MAML3: variants seen among roughly 807,000 people sequenced by gnomAD.
The protein encoded by MAML3 is mastermind like transcriptional coactivator 3.
In MAML3, 27 loss-of-function variants were observed where a neutral mutation model predicts 101.9. The ratio of observed to expected loss-of-function variants is 0.27; its 90% CI spans 0.20 to 0.37. The LOEUF (loss-of-function observed/expected upper bound fraction) is 0.37, where lower values mean the gene tolerates loss of function less well. Ranked by LOEUF, MAML3 falls within the 10% of genes least tolerant of loss-of-function variation. The pLI is 1.00. For missense variants in MAML3, 1,316 were observed against 1,444.9 expected (o/e 0.91, Z 1.45); for synonymous variants, 501 against 555.9 (o/e 0.90, Z 1.39).
At chr4:139,899,438 C>A (rs1732674964) in intron 1 of MAML3, among the ~76,000 whole-genome samples, 1 of 152,172 alleles carries the variant, frequency 6.6e-6, no homozygotes, top group South Asian at 2.1e-4. Context: ...AGTAATATCC[C>A]TGACCATTTC....
At chr4:139,768,222 TTGTG>T (rs34182828) in intron 2 of MAML3, among the ~76,000 whole-genome samples, 12,544 of 136,332 alleles carry the variant, frequency 0.092, 658 homozygotes, top group African/African-American at 0.17. Flanking sequence ...CTGTTGATAG[TTGTG>T]TGTGTGTGTG....
intron 1 of MAML3, among the ~76,000 whole-genome samples, chr4:140,046,383 G>A (rs1560876432): frequency 1.3e-5 from 2 of 152,148 alleles, no homozygotes; most frequent in Admixed American, 6.5e-5. Flanking sequence ...CTAAATTTTT[G>A]TTGCTTTAAA....
chr4:139,878,374 G>A (rs1732152658), intron 2 of MAML3, among the ~76,000 whole-genome samples: 1 of 152,032 alleles, frequency 6.6e-6, no homozygotes, highest in Non-Finnish European at 1.5e-5. Context: ...CCCTTGTATC[G>A]CCCTTATCTC....
chr4:140,151,194 G>A (rs936278278), intron 1 of MAML3, among the ~76,000 whole-genome samples: 4 of 152,072 alleles, frequency 2.6e-5, no homozygotes, highest in African/African-American at 9.7e-5. Flanking sequence ...GTGGCTGGAG[G>A]AGGAGGAAGG....
chr4:140,074,189 GAGAA>G (rs201107607), intron 1 of MAML3, among the ~76,000 whole-genome samples: 17 of 117,616 alleles, frequency 1.4e-4, no homozygotes, highest in African/African-American at 5.4e-4. Flanking sequence ...GAGAGAGAGA[GAGAA>G]AGAAAGAGAA....
At chr4:139,799,720 T>G (rs145842269) in intron 2 of MAML3, among the ~76,000 whole-genome samples, 4 of 152,308 alleles carry the variant, frequency 2.6e-5, no homozygotes, top group African/African-American at 9.6e-5. Context: ...GATGCACATT[T>G]TCTATTCTGT....
At chr4:139,988,466 G>A (rs903978983) in intron 1 of MAML3, among the ~76,000 whole-genome samples, 3 of 152,030 alleles carry the variant, frequency 2.0e-5, no homozygotes, top group African/African-American at 7.3e-5. Flanking sequence ...CTTAATCCTT[G>A]AGGTGTATTT....
chr4:140,097,633 GA>G (rs34536317), intron 1 of MAML3, among the ~76,000 whole-genome samples: 20 of 146,710 alleles, frequency 1.4e-4, no homozygotes, highest in East Asian at 5.9e-4. Context: ...AGAGTGGCCA[GA>G]AAAAAAAAAA....
intron 2 of MAML3, among the ~76,000 whole-genome samples, chr4:139,866,789 T>C (rs1435167031): frequency 2.0e-5 from 3 of 152,152 alleles, no homozygotes; most frequent in East Asian, 1.9e-4. Flanking sequence ...TTGTGTACAA[T>C]TCAAGGTCAG....
chr4:139,964,645 A>G (rs1692075964), intron 1 of MAML3, among the ~76,000 whole-genome samples: 1 of 152,158 alleles, frequency 6.6e-6, no homozygotes, highest in Non-Finnish European at 1.5e-5. Flanking sequence ...CTAGTTCTCC[A>G]CCAGGTTTTT....
At chr4:140,007,877 A>G (rs1726476841) in intron 1 of MAML3, among the ~76,000 whole-genome samples, 1 of 152,224 alleles carries the variant, frequency 6.6e-6, no homozygotes, top group Non-Finnish European at 1.5e-5. Context: ...ACGGCCCTGT[A>G]GGTCACCTTA....
intron 1 of MAML3, among the ~76,000 whole-genome samples, chr4:140,028,817 C>T (rs1211592737): frequency 6.6e-6 from 1 of 152,148 alleles, no homozygotes; most frequent in African/African-American, 2.4e-5. Context: ...ACCCTTTGCA[C>T]CACTGATCGC....
chr4:140,047,714 A>G (rs1448435038), intron 1 of MAML3, among the ~76,000 whole-genome samples: 2 of 67,190 alleles, frequency 3.0e-5, no homozygotes, highest in Admixed American at 2.4e-4. Flanking sequence ...ATTTACACCC[A>G]CCCCCCACCC....
At chr4:139,965,920 T>A (rs1734121597) in intron 1 of MAML3, among the ~76,000 whole-genome samples, 1 of 152,166 alleles carries the variant, frequency 6.6e-6, no homozygotes, top group African/African-American at 2.4e-5. Flanking sequence ...CACAGAAGGC[T>A]ACAGCTCACA....
Position 139,894,293 on chromosome 4 carries a change from G to A in MAML3, c.469-3326C>T, listed in dbSNP as rs561572317. Among the ~76,000 whole-genome samples, 8 of 152,180 alleles carry A rather than the reference G, an allele frequency of 5.3e-5. No homozygotes were observed. The East Asian group carries it at 1.4e-3, about 26-fold the overall frequency. ...TGGGAGGCTGAGGTGGGCAGATCGC[G>A]AGGTCAAGAGATTGAGACCATCCTG... On this transcript the variant is annotated intron_variant, in intron 1 of 4. Coordinates refer to ENST00000509479, the MANE Select transcript of MAML3 (RefSeq NM_018717.5).
At chr4:139,956,691 AG>A (rs1733923154) in intron 1 of MAML3, among the ~76,000 whole-genome samples, 1 of 152,236 alleles carries the variant, frequency 6.6e-6, no homozygotes, top group South Asian at 2.1e-4. Flanking sequence ...ATATACATTC[AG>A]GAGAGGTCGT....
intron 2 of MAML3, among the ~76,000 whole-genome samples, chr4:139,737,076 C>T (rs1482036842): frequency 6.6e-6 from 1 of 152,074 alleles, no homozygotes; most frequent in Admixed American, 6.5e-5. Context: ...TGAGGAGCAT[C>T]CATGACTGAG....
At chr4:140,150,578 G>A (rs1461542403) in intron 1 of MAML3, among the ~76,000 whole-genome samples, 1 of 152,178 alleles carries the variant, frequency 6.6e-6, no homozygotes, top group Admixed American at 6.5e-5. Context: ...GAGATTCTGT[G>A]GCACGGGAAT....
At chr4:140,129,843 T>C (rs986030833) in intron 1 of MAML3, among the ~76,000 whole-genome samples, 2 of 151,844 alleles carry the variant, frequency 1.3e-5, no homozygotes, top group African/African-American at 4.8e-5. Flanking sequence ...CGTGCACCTG[T>C]AGTCCCAGCT....
Sources: gnomAD v4.1 joint callset for allele counts (sites outside exome capture counted in the v4.1 genomes callset) on GRCh38, gnomAD v4.1.1 for gene constraint, MANE v1.5 for transcripts, NCBI Gene and HGNC (gene_info 2026-07-23, HGNC 2026-07-21) for gene names.